The following C12orf50 variants were observed in gnomAD, a reference collection of about 807,000 sequenced individuals.
C12orf50 encodes uncharacterized protein C12orf50.
Under a neutral mutation model 61.6 loss-of-function variants are expected in C12orf50, and 35 were observed. The observed-to-expected ratio is 0.57, with a 90% CI of 0.43 to 0.75. The LOEUF (loss-of-function observed/expected upper bound fraction) is 0.75, where lower values mean the gene tolerates loss of function less well. C12orf50 is among the 30% of genes least tolerant of loss of function. C12orf50 has a pLI of 0.00. For synonymous variants in C12orf50, 178 were observed against 161.5 expected (o/e 1.10, Z -0.77); for missense variants, 475 against 488.5 (o/e 0.97, Z 0.26).
chr12:88,016,760 C>G (rs4275694), intron 3 of C12orf50, among the ~76,000 whole-genome samples: 12,979 of 152,164 alleles, frequency 0.085, 611 homozygotes, highest in African/African-American at 0.11. Context: ...GATTCTTGCT[C>G]TTATGGTACT....
In C12orf50 at chr12:87,986,331, A is replaced by G; in HGVS notation, c.903T>C (p.Pro301=). 6.2e-7 allele frequency: 1 copy of G among 1,605,154 alleles called. No individual in the cohort carries two copies. Among genetic ancestry groups the G allele is most frequent in the Non-Finnish European group, 8.5e-7 (1 of 1,175,488 alleles). Residue 301 remains proline, a synonymous_variant, in exon 10 of 13, where the codon CCT becomes CCC. Coordinates refer to ENST00000298699, the MANE Select transcript of C12orf50 (RefSeq NM_152589.3). ...CCTTACCTCTCTGCATTCCAGAGTT[A>G]GGAAAGTTCTGTGGTTCATCATAAA... ...KWIYDEPQNF[P]NSGMQRAVQA...
chr12:88,028,136 T>G (rs975075314), intron 1 of C12orf50, among the ~76,000 whole-genome samples: 3 of 152,208 alleles, frequency 2.0e-5, no homozygotes, highest in Non-Finnish European at 4.4e-5. Flanking sequence ...TTATTATTAT[T>G]TATTCATTTA....
Position 87,983,194 on chromosome 12 carries a change from G to A in C12orf50, c.1128C>T (p.Asp376=), listed in dbSNP as rs150278833. ...CATTATATGATGTTGACGTATATTT[G>A]TCTGAGGGAAAAAAATCCAGAATTA... The part of the protein sequence containing the change: ...NREPKPNLSP[D]KYTSTSYNDS... The change falls in exon 12 of 13, where the codon GAC becomes GAT. Residue 376 remains aspartate, a splice_region_variant and synonymous_variant. Transcript: ENST00000298699. 4 of 1,575,720 alleles carry A rather than the reference G, an allele frequency of 2.5e-6. 1 individual carries two copies. The South Asian group carries it at 4.7e-5, about 18-fold the overall frequency.
intron 7 of C12orf50, among the ~76,000 whole-genome samples, chr12:87,992,769 A>G (rs1419827304): frequency 6.6e-6 from 1 of 152,178 alleles, no homozygotes; most frequent in African/African-American, 2.4e-5. Context: ...TACATACACA[A>G]GTAAAATTTT....
chr12:87,987,877 T>C lies in C12orf50; in HGVS notation c.790A>G (p.Met264Val). 1.9e-6 allele frequency: 3 copies of C among 1,609,462 alleles called. No individual in the cohort carries two copies. The highest frequency in any genetic ancestry group is 1.1e-5 in the South Asian group (1 of 90,724). Residue 264 changes from methionine to valine, a missense_variant, in exon 9 of 13, where the codon ATG becomes GTG. Transcript: ENST00000298699. ...GAAGAGGGGTCCTCTCTGCACTTCA[T>C]ACTGATATTCTCAGTAGCATTTAAT... ...HVLNATENIS[M>V]KCREDPSSMN...
In C12orf50 at chr12:88,017,673, G is replaced by A. The variant is rs543940509; in HGVS notation, c.133+8815C>T. 3.9e-5 allele frequency among the ~76,000 whole-genome samples: 6 copies of A among 152,288 alleles called. No individual in the cohort carries two copies. The South Asian group carries it at 1.2e-3, about 32-fold the overall frequency. On this transcript the variant is annotated intron_variant, in intron 3 of 12. Transcript: ENST00000298699. ...GGAACCTCCTAGATACTTGTTGAATGGCTTTGACCAAAATGCTGATAATGA... is the reference window on the plus strand; with the variant it reads ...GGAACCTCCTAGATACTTGTTGAATAGCTTTGACCAAAATGCTGATAATGA...
intron 3 of C12orf50, among the ~76,000 whole-genome samples, chr12:88,001,325 A>G (rs986272228): frequency 1.3e-5 from 2 of 151,308 alleles, no homozygotes; most frequent in African/African-American, 4.8e-5. Flanking sequence ...ACAGAAATTG[A>G]TTTTGGGAAG....
intron 7 of C12orf50, among the ~76,000 whole-genome samples, chr12:87,991,625 A>G (rs2031125166): frequency 6.6e-6 from 1 of 152,150 alleles, no homozygotes; most frequent in Non-Finnish European, 1.5e-5. Context: ...CAAAATGGCC[A>G]ATAAGTTTAT....
At chr12:88,004,897 A>G (rs1356011749) in intron 3 of C12orf50, among the ~76,000 whole-genome samples, 4 of 152,168 alleles carry the variant, frequency 2.6e-5, no homozygotes, top group Non-Finnish European at 5.9e-5. Context: ...GGAGGGTGAG[A>G]GGAGGGTGAG....
intron 3 of C12orf50, among the ~76,000 whole-genome samples, chr12:88,007,415 A>G (rs2031926079): frequency 6.6e-6 from 1 of 152,236 alleles, no homozygotes; most frequent in Non-Finnish European, 1.5e-5. Context: ...ATATCTGGGT[A>G]ATTTATAAAC....
rs1267235014 is a variant in C12orf50 at position 87,980,364 on chromosome 12, T to C, written c.1220-8A>G. ...TCCCATTTCTTCTTGGCTCTAATAA[T>C]AAAATACACAAAATATTTCAATTAT... On this transcript the variant is annotated splice_region_variant and splice_polypyrimidine_tract_variant and intron_variant, in intron 12 of 12. Transcript: ENST00000298699. The C allele has an allele frequency of 6.2e-7, 1 of 1,602,694 alleles. No individual in the cohort carries two copies. The highest frequency in any genetic ancestry group is 2.2e-5 in the East Asian group (1 of 44,750).
chr12:88,010,525 C>T (rs931368494), intron 3 of C12orf50, among the ~76,000 whole-genome samples: 22 of 148,886 alleles, frequency 1.5e-4, no homozygotes, highest in South Asian at 6.3e-4. Context: ...GGAATCATTA[C>T]GGCAAGATGT....
intron 6 of C12orf50, among the ~76,000 whole-genome samples, chr12:87,995,150 A>C (rs1006931771): frequency 3.9e-5 from 6 of 152,194 alleles, no homozygotes; most frequent in African/African-American, 1.4e-4. Flanking sequence ...TGATAATTAA[A>C]TAATACTCTC....
chr12:88,016,354 T>G (rs975002918), intron 3 of C12orf50, among the ~76,000 whole-genome samples: 2 of 152,192 alleles, frequency 1.3e-5, no homozygotes, highest in African/African-American at 4.8e-5. Context: ...AGGTATTACT[T>G]TATAATTTAA....
intron 3 of C12orf50, among the ~76,000 whole-genome samples, chr12:88,014,751 T>A (rs527660649): frequency 1.2e-4 from 18 of 152,322 alleles, no homozygotes; most frequent in African/African-American, 4.1e-4. Flanking sequence ...CGGCCAGTTT[T>A]TATGATGATT....
At chr12:87,983,373 T>C (rs1328291422) in intron 11 of C12orf50, 178 bp from the exon 12 acceptor site, 1 of 396,866 alleles carries the variant, frequency 2.5e-6, no homozygotes, top group Non-Finnish European at 4.5e-6. Context: ...AAGTTATAAG[T>C]GAGCATGTTT....
chr12:88,013,064 C>T (rs2032172370), intron 3 of C12orf50, among the ~76,000 whole-genome samples: 1 of 149,912 alleles, frequency 6.7e-6, no homozygotes, highest in Non-Finnish European at 1.5e-5. Context: ...ATCCTGTCTC[C>T]AAAAAATACA....
chr12:88,022,756 C>G (rs2032562484), intron 3 of C12orf50, among the ~76,000 whole-genome samples: 1 of 152,084 alleles, frequency 6.6e-6, no homozygotes, highest in South Asian at 2.1e-4. Context: ...CCATTAATAA[C>G]TGCCACAAAA....
chr12:88,020,842 C>T (rs1182202899), intron 3 of C12orf50, among the ~76,000 whole-genome samples: 1 of 151,812 alleles, frequency 6.6e-6, no homozygotes, highest in African/African-American at 2.4e-5. Context: ...ACCATGCCCT[C>T]AGGCCACAGC....
Sources: gnomAD v4.1 joint callset for allele counts (sites outside exome capture counted in the v4.1 genomes callset) on GRCh38, gnomAD v4.1.1 for gene constraint, MANE v1.5 for transcripts, NCBI Gene and HGNC (gene_info 2026-07-23, HGNC 2026-07-21) for gene names.